The following KSR2 variants were observed in gnomAD, a reference collection of about 807,000 sequenced individuals.
KSR2 encodes the protein kinase suppressor of ras 2.
Under a neutral mutation model 107.8 loss-of-function variants are expected in KSR2, and 25 were observed. The ratio of observed to expected loss-of-function variants is 0.23; its 90% CI spans 0.17 to 0.32. The LOEUF (loss-of-function observed/expected upper bound fraction) is 0.32, where lower values mean the gene tolerates loss of function less well. KSR2 is among the 10% of genes least tolerant of loss of function. KSR2 has a pLI of 1.00. For missense variants in KSR2, 887 were observed against 1,268.9 expected (o/e 0.70, Z 4.57); for synonymous variants, 480 against 507.0 (o/e 0.95, Z 0.71).
chr12:117,800,989 G>C (rs111237128), intron 3 of KSR2, among the ~76,000 whole-genome samples: 13,290 of 152,146 alleles, frequency 0.087, 1,901 homozygotes, highest in African/African-American at 0.3. Context: ...TCTTTATCCA[G>C]TCTATCACTG....
intron 3 of KSR2, among the ~76,000 whole-genome samples, chr12:117,825,387 AG>A: frequency 6.6e-6 from 1 of 152,166 alleles, no homozygotes; most frequent in South Asian, 2.1e-4. Context: ...AGGGATGGAT[AG>A]GTGCATGGGT....
At chr12:117,653,059 A>C (rs1883969425) in intron 5 of KSR2, among the ~76,000 whole-genome samples, 1 of 152,206 alleles carries the variant, frequency 6.6e-6, no homozygotes, top group Non-Finnish European at 1.5e-5. Context: ...GCATCCCTGG[A>C]GGGATTGTGG....
intron 7 of KSR2, among the ~76,000 whole-genome samples, chr12:117,561,101 A>G (rs546610566): frequency 2.4e-4 from 37 of 152,322 alleles, no homozygotes; most frequent in Middle Eastern, 3.4e-3. Context: ...TTCATCTTTC[A>G]ATAAATTTAA....
chr12:117,740,974 G>T (rs1301661267), intron 4 of KSR2, among the ~76,000 whole-genome samples: 5 of 152,098 alleles, frequency 3.3e-5, no homozygotes, highest in African/African-American at 9.7e-5. Context: ...GAGATGAAGA[G>T]GAAGCGGTGA....
chr12:117,698,436 C>T (rs1007483582), intron 4 of KSR2, among the ~76,000 whole-genome samples: 18 of 152,052 alleles, frequency 1.2e-4, no homozygotes, highest in African/African-American at 4.3e-4. Flanking sequence ...CCACCTCATC[C>T]TCCCAAGTAG....
At chr12:117,720,361 C>T (rs1225521593) in intron 4 of KSR2, among the ~76,000 whole-genome samples, 4 of 152,212 alleles carry the variant, frequency 2.6e-5, no homozygotes, top group Non-Finnish European at 5.9e-5. Context: ...CACCTTCCTC[C>T]CCAGGTGCAC....
chr12:117,753,622 T>G (rs1264378487), intron 4 of KSR2, among the ~76,000 whole-genome samples: 1 of 152,004 alleles, frequency 6.6e-6, no homozygotes, highest in Non-Finnish European at 1.5e-5. Flanking sequence ...TGAGAACACA[T>G]GGACACATAG....
intron 5 of KSR2, among the ~76,000 whole-genome samples, chr12:117,604,927 G>A (rs966418684): frequency 2.0e-5 from 3 of 152,092 alleles, no homozygotes; most frequent in Non-Finnish European, 2.9e-5. Context: ...TTTTCCAAGA[G>A]AAGCCAGAAA....
chr12:117,550,217 T>C (rs1406300960), intron 9 of KSR2, among the ~76,000 whole-genome samples: 1 of 152,200 alleles, frequency 6.6e-6, no homozygotes, highest in African/African-American at 2.4e-5. Context: ...AGAGCATTAG[T>C]GGCACAGGTC....
chr12:117,660,085 G>T (rs2136461800), intron 5 of KSR2, among the ~76,000 whole-genome samples: 1 of 152,278 alleles, frequency 6.6e-6, no homozygotes, highest in Non-Finnish European at 1.5e-5. Context: ...CAGAGGAAAA[G>T]TCCTGTTCCA....
Position 117,567,858 on chromosome 12 carries a change from A to ACC in KSR2, c.1326-9287_1326-9286dup, listed in dbSNP as rs371242607. The stretch of plus-strand genomic sequence containing the variant: ...AACCAAAAGTGCAGGTTCACTGCAT[A>ACC]CCAACTGAGCATTCTGGTCTCATGT... On this transcript the variant is annotated intron_variant, in intron 7 of 19. Coordinates refer to ENST00000339824, the MANE Select transcript of KSR2 (RefSeq NM_173598.6). Among the ~76,000 whole-genome samples the ACC allele has an allele frequency of 3.4e-3, 478 of 142,678 alleles. 4 individuals are homozygous for ACC. Among genetic ancestry groups the ACC allele is most frequent in the African/African-American group, 0.012 (423 of 34,638 alleles). 93.6% of individuals were successfully genotyped at this position (142,678 alleles called of 152,430 possible). A position where few individuals can be genotyped will look rare whatever the true frequency, so the allele number is the denominator to read the frequency against.
At chr12:117,513,454 G>A (rs183525743) in intron 14 of KSR2, among the ~76,000 whole-genome samples, 1 of 152,350 alleles carries the variant, frequency 6.6e-6, no homozygotes, top group African/African-American at 2.4e-5. Context: ...TTTCTGAACA[G>A]TGCAGACACA....
intron 3 of KSR2, among the ~76,000 whole-genome samples, chr12:117,838,781 A>C (rs554651631): frequency 7.2e-4 from 109 of 152,182 alleles, no homozygotes; most frequent in Non-Finnish European, 6.3e-4. Flanking sequence ...ATCTCCCCTG[A>C]CTTAGACATG....
chr12:117,697,931 T>C (rs1321611799), intron 4 of KSR2, among the ~76,000 whole-genome samples: 1 of 152,066 alleles, frequency 6.6e-6, no homozygotes, highest in Non-Finnish European at 1.5e-5. Flanking sequence ...CCCTCCCATA[T>C]GACTGATGTC....
At position 117,968,367 on chromosome 12, in the gene KSR2, T is replaced by C. The variant is rs981049402; in HGVS notation, c.-112A>G. On this transcript the variant is annotated 5_prime_UTR_variant, in exon 1 of 20. Transcript: ENST00000339824. The stretch of plus-strand genomic sequence containing the variant: ...TCCAACCACTGCGACTTCTCAACAA[T>C]GTCTCATGAAGAAGAAATCCAACAT... The C allele has an allele frequency of 2.9e-6, 4 of 1,391,770 alleles. No individual in the cohort carries two copies. Among genetic ancestry groups the C allele is most frequent in the African/African-American group, 1.5e-5 (1 of 66,698 alleles). The allele number at this position is 1,391,770 out of a possible 1,614,324, so 86.2% of individuals were successfully genotyped here. A position where few individuals can be genotyped will look rare whatever the true frequency, so the allele number is the denominator to read the frequency against.
At position 117,836,276 on chromosome 12, in the gene KSR2, C is replaced by A. The variant is rs1892209548; in HGVS notation, c.472+19152G>T. On this transcript the variant is annotated intron_variant, in intron 3 of 19. Coordinates refer to ENST00000339824, the MANE Select transcript of KSR2 (RefSeq NM_173598.6). Reference sequence around the variant, plus strand: ...CCCATCATGGAGTGGACTTCAACAGCTCTGGGGCCCCGAGACCATTCAGTT... The same window carrying A: ...CCCATCATGGAGTGGACTTCAACAGATCTGGGGCCCCGAGACCATTCAGTT... Among the ~76,000 whole-genome samples, 3 of 152,158 alleles carry A rather than the reference C, an allele frequency of 2.0e-5. No homozygotes were observed. The South Asian group carries it at 6.2e-4, about 32-fold the overall frequency.
At chr12:117,941,357 T>G (rs1024739249) in intron 1 of KSR2, among the ~76,000 whole-genome samples, 2 of 149,884 alleles carry the variant, frequency 1.3e-5, no homozygotes, top group African/African-American at 4.9e-5. Context: ...CACACCTCTT[T>G]CTGATGCCAT....
intron 3 of KSR2, among the ~76,000 whole-genome samples, chr12:117,812,793 A>T (rs1373176577): frequency 2.7e-5 from 4 of 146,554 alleles, no homozygotes; most frequent in Non-Finnish European, 4.4e-5. Flanking sequence ...TCACATAAAT[A>T]AAAAAAAATC....
intron 12 of KSR2, among the ~76,000 whole-genome samples, chr12:117,530,338 A>C (rs1875524844): frequency 1.3e-5 from 2 of 152,148 alleles, no homozygotes; most frequent in South Asian, 4.1e-4. Context: ...TAGAGTAAAT[A>C]TTTTTGGCTT....
Sources: allele counts gnomAD v4.1 joint callset (sites outside exome capture counted in the v4.1 genomes callset), GRCh38; gene constraint gnomAD v4.1.1; transcripts MANE v1.5; gene names NCBI Gene and HGNC (gene_info 2026-07-23, HGNC 2026-07-21).